Variants in MYO5A observed in about 807,000 individuals in gnomAD.
MYO5A encodes the protein myosin VA, also known as unconventional myosin-Va.
In MYO5A, 98 loss-of-function variants were observed where a neutral mutation model predicts 249.7. The observed-to-expected ratio is 0.39, with a 90% CI of 0.33 to 0.46. The LOEUF (loss-of-function observed/expected upper bound fraction) is 0.46. MYO5A is among the 20% of genes least tolerant of loss of function. The pLI, the probability that MYO5A is intolerant of heterozygous loss-of-function variation, is 0.98. For missense variants in MYO5A, 1,696 were observed against 2,308.8 expected (o/e 0.73, Z 5.44); for synonymous variants, 778 against 810.6 (o/e 0.96, Z 0.68).
intron 14 of MYO5A, among the ~76,000 whole-genome samples, chr15:52,385,207 T>A (rs2041925064): frequency 6.6e-6 from 1 of 152,210 alleles, no homozygotes; most frequent in Non-Finnish European, 1.5e-5. Flanking sequence ...TAAAACCAGT[T>A]CTTCTAATTA....
chr15:52,459,548 G>A (rs1405463784), intron 1 of MYO5A, among the ~76,000 whole-genome samples: 4 of 152,168 alleles, frequency 2.6e-5, no homozygotes, highest in Non-Finnish European at 4.4e-5. Flanking sequence ...GAACAAAATG[G>A]AGTCTCCTAT....
rs755066982 is a variant in MYO5A, at chr15:52,370,427, T to G, written c.2818-10A>C. On this transcript the variant is annotated splice_polypyrimidine_tract_variant and intron_variant, in intron 21 of 41. Coordinates refer to ENST00000399233, the MANE Select transcript of MYO5A (RefSeq NM_001382347.1). Reference sequence around the variant, plus strand: ...ATTTGTAGTCTTTGTTCTTTAAACATACACATAAGTAACAATAAGTAAATA... The same window carrying G: ...ATTTGTAGTCTTTGTTCTTTAAACAGACACATAAGTAACAATAAGTAAATA... The G allele has an allele frequency of 1.4e-5, 22 of 1,603,512 alleles. No individual in the cohort carries two copies. The highest frequency in any genetic ancestry group is 1.9e-5 in the Non-Finnish European group (22 of 1,170,744).
chr15:52,492,547 T>C (rs2076955329), intron 1 of MYO5A, among the ~76,000 whole-genome samples: 2 of 152,242 alleles, frequency 1.3e-5, no homozygotes, highest in Non-Finnish European at 1.5e-5. Flanking sequence ...ACAAACCATG[T>C]AGTTTGCACA....
intron 30 of MYO5A, among the ~76,000 whole-genome samples, chr15:52,345,015 A>G (rs1179285274): frequency 1.3e-5 from 2 of 152,232 alleles, no homozygotes; most frequent in Admixed American, 1.3e-4. Flanking sequence ...AAATACTTTT[A>G]TAAGCATTCT....
chr15:52,513,341 GA>G (rs1436704680), intron 1 of MYO5A, among the ~76,000 whole-genome samples: 1 of 150,240 alleles, frequency 6.7e-6, no homozygotes, highest in Non-Finnish European at 1.5e-5. Flanking sequence ...TGAGGCAGGA[GA>G]ATAGCCTGAA....
At chr15:52,331,693 C>T in intron 34 of MYO5A, 1 of 985,408 alleles carries the variant, frequency 1.0e-6, no homozygotes, top group South Asian at 4.7e-5. Context: ...CAGAGAACAT[C>T]AGTACCTGCC....
At chr15:52,324,741 AT>A (rs951745353) in intron 36 of MYO5A, among the ~76,000 whole-genome samples, 4 of 151,378 alleles carry the variant, frequency 2.6e-5, no homozygotes, top group African/African-American at 7.3e-5. Context: ...TCATTATATC[AT>A]TTTTTTTTAA....
At chr15:52,340,068 G>A (rs2039306325) in intron 32 of MYO5A, 128 bp downstream of exon 32, 2 of 931,284 alleles carry the variant, frequency 2.1e-6, no homozygotes, top group African/African-American at 1.6e-5. Flanking sequence ...CTCTGCTGGA[G>A]TAAGAGGGGT....
chr15:52,364,506 TA>T (rs1407488848), intron 24 of MYO5A, 47 bp downstream of exon 24: 20 of 1,546,808 alleles, frequency 1.3e-5, no homozygotes, highest in Non-Finnish European at 1.5e-5. Flanking sequence ...TACTTTTGTA[TA>T]TGTTTAAAAT....
intron 1 of MYO5A, among the ~76,000 whole-genome samples, chr15:52,470,378 G>A (rs1050178764): frequency 2.0e-5 from 3 of 152,096 alleles, no homozygotes; most frequent in Non-Finnish European, 4.4e-5. Context: ...TGGGCCAGGC[G>A]CAGTGGCTCA....
At chr15:52,420,237 T>G (rs1161244710) in intron 4 of MYO5A, among the ~76,000 whole-genome samples, 1 of 151,164 alleles carries the variant, frequency 6.6e-6, no homozygotes, top group Non-Finnish European at 1.5e-5. Flanking sequence ...CCTGGGAGGT[T>G]GAGGCTGTAG....
At chr15:52,468,658 A>C (rs1031520571) in intron 1 of MYO5A, among the ~76,000 whole-genome samples, 1 of 152,242 alleles carries the variant, frequency 6.6e-6, no homozygotes, top group African/African-American at 2.4e-5. Flanking sequence ...TGACAGAGAC[A>C]GACCCTGTCT....
In MYO5A at chr15:52,408,080, C is replaced by G; in HGVS notation, c.817G>C (p.Glu273Gln). Residue 273 changes from glutamate (E) to glutamine (Q), a missense_variant, in exon 7 of 42, where the codon GAA (glutamate) becomes CAA (glutamine). Glu to Gln is a conservative substitution (Grantham distance 29, BLOSUM62 2). This residue lies in a region of MYO5A where 185 missense variants were observed against 204.8 expected (regional missense o/e 0.90). Coordinates refer to ENST00000399233, the MANE Select transcript of MYO5A (RefSeq NM_001382347.1). ...YQLCASAKLPEFKMLRLGNAD... is the reference protein window; with the variant it reads ...YQLCASAKLPQFKMLRLGNAD... ...ATACCTAATCGTAGCATTTTAAATT[C>G]AGGTAACTTTGCTGAGGCACAAAGC... 2 of 1,600,432 alleles carry G rather than the reference C, an allele frequency of 1.2e-6. No individual in the cohort carries two copies. The highest frequency in any genetic ancestry group is 8.6e-7 in the Non-Finnish European group (1 of 1,168,248).
At chr15:52,490,755 G>A (rs992163779) in intron 1 of MYO5A, among the ~76,000 whole-genome samples, 1 of 152,130 alleles carries the variant, frequency 6.6e-6, no homozygotes, top group African/African-American at 2.4e-5. Flanking sequence ...GTCTCATTCT[G>A]TTGCCGAGGC....
chr15:52,413,769 CTT>C (rs1281198777), intron 5 of MYO5A, among the ~76,000 whole-genome samples: 1 of 152,136 alleles, frequency 6.6e-6, no homozygotes, highest in Non-Finnish European at 1.5e-5. Context: ...TAGTTCAACT[CTT>C]TACCAAATTT....
chr15:52,472,367 T>C (rs561166731), intron 1 of MYO5A, among the ~76,000 whole-genome samples: 4 of 152,098 alleles, frequency 2.6e-5, no homozygotes, highest in Admixed American at 1.3e-4. Context: ...GCTTGAGCCA[T>C]CGCGACTGGC....
intron 1 of MYO5A, among the ~76,000 whole-genome samples, chr15:52,513,276 C>G (rs1399634236): frequency 6.6e-6 from 1 of 151,354 alleles, no homozygotes; most frequent in African/African-American, 2.4e-5. Context: ...ACTAAAAATA[C>G]AAAAATTAGC....
At chr15:52,375,274 G>A (rs1205571036) in intron 20 of MYO5A, 30 bp downstream of exon 20, 1 of 1,611,752 alleles carries the variant, frequency 6.2e-7, no homozygotes, top group Non-Finnish European at 8.5e-7. Flanking sequence ...CTAATAGAAT[G>A]AATAAACAAA....
chr15:52,521,529 G>T (rs977690926), intron 1 of MYO5A, among the ~76,000 whole-genome samples: 2 of 152,126 alleles, frequency 1.3e-5, no homozygotes, highest in African/African-American at 4.8e-5. Flanking sequence ...TTTGGCCACA[G>T]TAGTACATTA....
Sources: gnomAD v4.1 joint callset for allele counts (sites outside exome capture counted in the v4.1 genomes callset) on GRCh38, gnomAD v4.1.1 for gene constraint, gnomAD v4.1.1 regional missense constraint, MANE v1.5 for transcripts, NCBI Gene and HGNC (gene_info 2026-07-23, HGNC 2026-07-21) for gene names.